The following DAP3 variants were observed in gnomAD, a reference collection of about 807,000 sequenced individuals.
The protein encoded by DAP3 is death associated protein 3.
Under a neutral mutation model 51.9 loss-of-function variants are expected in DAP3, and 28 were observed. The observed-to-expected ratio is 0.54, with a 90% CI of 0.40 to 0.74. The LOEUF (loss-of-function observed/expected upper bound fraction) is 0.74. DAP3 is among the 30% of genes least tolerant of loss of function. The probability of loss-of-function intolerance (pLI) is 0.00; values close to 1 mark genes in which losing one functional copy is unlikely to be tolerated. For missense variants in DAP3, 458 were observed against 483.5 expected (o/e 0.95, Z 0.49); for synonymous variants, 170 against 170.3 (o/e 1.00, Z 0.01).
At chr1:155,719,822 C>T (rs1490605632) in intron 3 of DAP3, among the ~76,000 whole-genome samples, 1 of 152,096 alleles carries the variant, frequency 6.6e-6, no homozygotes, top group Non-Finnish European at 1.5e-5. Context: ...GCTGGGATGA[C>T]AGGCATGAGC....
upstream of DAP3, chr1:155,688,003 G>A (rs1652764687): frequency 2.0e-6 from 3 of 1,489,764 alleles, no homozygotes; most frequent in Non-Finnish European, 2.7e-6. Flanking sequence ...GTGGCTCCCA[G>A]AAAGCCCAGG....
intron 1 of DAP3, among the ~76,000 whole-genome samples, chr1:155,690,494 C>A (rs1326451022): frequency 1.4e-5 from 2 of 141,442 alleles, no homozygotes; most frequent in Admixed American, 6.6e-5. Flanking sequence ...TAGCCGAGAT[C>A]ACGCCATCAC....
intron 1 of DAP3, among the ~76,000 whole-genome samples, chr1:155,695,045 G>A (rs1278179841): frequency 6.6e-6 from 1 of 152,170 alleles, no homozygotes; most frequent in Non-Finnish European, 1.5e-5. Context: ...GAGAATTATA[G>A]GGGATAACCG....
chr1:155,689,010 C>T (rs768604709), upstream of DAP3: 21 of 1,591,544 alleles, frequency 1.3e-5, no homozygotes, highest in Non-Finnish European at 1.7e-5. Context: ...GGCGGCCTAG[C>T]GCCCCTCTGC....
upstream of DAP3, chr1:155,688,067 T>C: frequency 6.3e-7 from 1 of 1,575,194 alleles, no homozygotes; most frequent in South Asian, 1.2e-5. Flanking sequence ...ATCGTTCTAC[T>C]CACCGTGTCG....
At chr1:155,706,743 A>G (rs1442632119) in intron 1 of DAP3, among the ~76,000 whole-genome samples, 2 of 151,750 alleles carry the variant, frequency 1.3e-5, no homozygotes, top group Non-Finnish European at 1.5e-5. Flanking sequence ...GCAAGACTTC[A>G]TCGCAAAATA....
At chr1:155,725,828 C>T (rs1658515560) in intron 5 of DAP3, 99 bp from the exon 6 acceptor site, 4 of 1,077,934 alleles carry the variant, frequency 3.7e-6, no homozygotes, top group African/African-American at 3.2e-5. Flanking sequence ...CAAGCCACTG[C>T]ACTCCAACCC....
At chr1:155,712,060 C>A (rs1283318210) in intron 2 of DAP3, among the ~76,000 whole-genome samples, 1 of 151,766 alleles carries the variant, frequency 6.6e-6, no homozygotes, top group Non-Finnish European at 1.5e-5. Context: ...AGTCCACTGA[C>A]TCAAATGTTA....
At chr1:155,696,039 T>C (rs1654466577) in intron 1 of DAP3, among the ~76,000 whole-genome samples, 1 of 152,234 alleles carries the variant, frequency 6.6e-6, no homozygotes, top group African/African-American at 2.4e-5. Flanking sequence ...CTTTTATTTA[T>C]TGGAACTATA....
intron 11 of DAP3, among the ~76,000 whole-genome samples, chr1:155,734,661 CT>C (rs2149205625): frequency 6.6e-6 from 1 of 152,260 alleles, no homozygotes; most frequent in Admixed American, 6.5e-5. Context: ...CTGAGGTGTC[CT>C]TTCTCCTAGG....
chr1:155,713,160 T>G (rs1656923223), intron 2 of DAP3, among the ~76,000 whole-genome samples: 1 of 152,196 alleles, frequency 6.6e-6, no homozygotes, highest in Non-Finnish European at 1.5e-5. Flanking sequence ...GAGGGAGAGA[T>G]AATTTATACC....
At chr1:155,725,710 A>G (rs1658500656) in intron 5 of DAP3, among the ~76,000 whole-genome samples, 1 of 152,160 alleles carries the variant, frequency 6.6e-6, no homozygotes, top group Non-Finnish European at 1.5e-5. Context: ...TAAAAATGCA[A>G]TATATTAGCC....
chr1:155,689,230 C>T, intron 1 of DAP3, 56 bp downstream of exon 1: 1 of 689,944 alleles, frequency 1.4e-6, no homozygotes, highest in Non-Finnish European at 2.6e-6. Flanking sequence ...AGCGGGACTC[C>T]GGACCTCCAG....
chr1:155,708,540 GTTTTT>G (rs151238139), intron 1 of DAP3, among the ~76,000 whole-genome samples: 1 of 103,264 alleles, frequency 9.7e-6, no homozygotes, highest in Non-Finnish European at 1.9e-5. Context: ...TTCTGTTTTT[GTTTTT>G]TTTTTTTTTT....
intron 1 of DAP3, among the ~76,000 whole-genome samples, chr1:155,701,688 T>TA (rs766433912): frequency 0.033 from 3,677 of 112,028 alleles, 167 homozygotes; most frequent in African/African-American, 0.1. Flanking sequence ...AAAAATAAAT[T>TA]AAAAAAAAAA....
rs931334155 is a variant in DAP3 at position 155,731,610 on chromosome 1, A to G, written c.903+195A>G. On this transcript the variant is annotated intron_variant, in intron 10 of 12. Coordinates refer to ENST00000368336, the MANE Select transcript of DAP3 (RefSeq NM_004632.4). The stretch of plus-strand genomic sequence containing the variant: ...AAAATCTATATATATGTGGTTTATA[A>G]TCTTTCCAAAGTAAGTTTATTCAAA... The G allele has an allele frequency of 6.8e-6, 4 of 586,166 alleles. No individual in the cohort carries two copies. The African/African-American group carries it at 7.7e-5, about 11-fold the overall frequency. The allele number at this position is 586,166 out of a possible 1,614,324, so 36.3% of individuals were successfully genotyped here.
intron 2 of DAP3, among the ~76,000 whole-genome samples, chr1:155,711,585 T>G (rs1027624392): frequency 4.7e-5 from 7 of 149,760 alleles, no homozygotes; most frequent in African/African-American, 1.7e-4. Flanking sequence ...AAAGTTTTGT[T>G]TTTTTTTTTT....
At chr1:155,688,704 TC>T (rs1255308078), upstream of DAP3, 8 of 1,517,122 alleles carry the variant, frequency 5.3e-6, no homozygotes, top group Non-Finnish European at 7.0e-6. Flanking sequence ...TCTTCTCTCC[TC>T]CCCCTCCCTC....
At chr1:155,713,254 G>C (rs1375777466) in intron 2 of DAP3, among the ~76,000 whole-genome samples, 1 of 152,138 alleles carries the variant, frequency 6.6e-6, no homozygotes, top group Non-Finnish European at 1.5e-5. Context: ...GGAATCACAT[G>C]ACCCCTCCTG....
Sources: gnomAD v4.1 joint callset for allele counts (sites outside exome capture counted in the v4.1 genomes callset) on GRCh38, gnomAD v4.1.1 for gene constraint, MANE v1.5 for transcripts, NCBI Gene and HGNC (gene_info 2026-07-23, HGNC 2026-07-21) for gene names.